Variants in TRIM44 observed in about 807,000 individuals in gnomAD.
The protein encoded by TRIM44 is tripartite motif containing 44.
TRIM44 carries 13 observed loss-of-function variants against 37.4 expected under a neutral mutation model. That is an observed-to-expected ratio of 0.35 (90% CI 0.23 to 0.55). TRIM44 has a LOEUF of 0.55. Among genes scored for constraint, TRIM44 ranks in the 20% least tolerant of loss-of-function variants. The pLI, the probability that TRIM44 is intolerant of heterozygous loss-of-function variation, is 0.89. For synonymous variants in TRIM44, 175 were observed against 157.2 expected, an observed-to-expected ratio of 1.11 and a Z score of -0.85; for missense variants, 426 against 437.2, an observed-to-expected ratio of 0.97 and a Z score of 0.23.
chr11:35,751,912 G>C (rs1852563620), intron 4 of TRIM44, among the ~76,000 whole-genome samples: 1 of 152,140 alleles, frequency 6.6e-6, no homozygotes, highest in South Asian at 2.1e-4. Context: ...ACATAGATGA[G>C]GAAATTGAAT....
intron 1 of TRIM44, 112 bp downstream of exon 1, chr11:35,663,892 C>A: frequency 7.6e-7 from 1 of 1,308,510 alleles, no homozygotes; most frequent in Non-Finnish European, 1.0e-6. Context: ...AGAAGCTAGT[C>A]TTTCCAACTT....
At chr11:35,750,474 CA>C (rs1333582077) in intron 4 of TRIM44, among the ~76,000 whole-genome samples, 3 of 152,094 alleles carry the variant, frequency 2.0e-5, no homozygotes, top group Non-Finnish European at 4.4e-5. Context: ...AGTAAGTTTC[CA>C]AAGGCCACCT....
Position 35,663,603 on chromosome 11 carries a change from C to T in TRIM44, c.492C>T (p.Asp164=), listed in dbSNP as rs2135479348. ...EGETEAESEF[D]PEIEMEAERV... Reference sequence around the variant, plus strand: ...AAACTGAGGCAGAAAGTGAATTTGACCCAGAAATAGAAATGGAAGCAGAGA... The same window carrying T: ...AAACTGAGGCAGAAAGTGAATTTGATCCAGAAATAGAAATGGAAGCAGAGA... Residue 164 remains aspartate (D), a synonymous_variant, in exon 1 of 5, where the codon GAC becomes GAT. Transcript: ENST00000299413. 1.9e-6 allele frequency: 3 copies of T among 1,614,054 alleles called. No individual in the cohort carries two copies. Among genetic ancestry groups the T allele is most frequent in the Middle Eastern group, 1.6e-4 (1 of 6,062 alleles).
At chr11:35,754,461 T>G (rs909667169) in intron 4 of TRIM44, among the ~76,000 whole-genome samples, 5 of 152,206 alleles carry the variant, frequency 3.3e-5, no homozygotes, top group African/African-American at 1.2e-4. Flanking sequence ...AGTTGCCTCT[T>G]CTTCCATGAA....
intron 4 of TRIM44, among the ~76,000 whole-genome samples, chr11:35,736,146 A>G (rs555253484): frequency 2.6e-5 from 4 of 152,286 alleles, no homozygotes; most frequent in Non-Finnish European, 5.9e-5. Context: ...CAATGTCCAG[A>G]TGGGTCCCAT....
intron 2 of TRIM44, among the ~76,000 whole-genome samples, chr11:35,700,780 A>G (rs1393476884): frequency 6.6e-6 from 1 of 152,202 alleles, no homozygotes; most frequent in Non-Finnish European, 1.5e-5. Flanking sequence ...CTTATCTACA[A>G]TATAATGCTC....
intron 3 of TRIM44, among the ~76,000 whole-genome samples, chr11:35,734,903 A>G (rs1852310039): frequency 6.6e-6 from 1 of 152,234 alleles, no homozygotes; most frequent in Admixed American, 6.5e-5. Flanking sequence ...CATAACTAAT[A>G]AGTAACAGAG....
intron 2 of TRIM44, among the ~76,000 whole-genome samples, chr11:35,719,198 C>T (rs977667667): frequency 6.6e-5 from 10 of 152,092 alleles, no homozygotes; most frequent in Admixed American, 2.0e-4. Context: ...GCATTCCCAC[C>T]GCAATGAATG....
chr11:35,795,242 G>A (rs1298138211), intron 4 of TRIM44, among the ~76,000 whole-genome samples: 2 of 152,018 alleles, frequency 1.3e-5, no homozygotes, highest in Non-Finnish European at 2.9e-5. Flanking sequence ...TTATTCTAGG[G>A]GTTATAGGAA....
At chr11:35,709,915 A>C (rs774268292) in intron 2 of TRIM44, among the ~76,000 whole-genome samples, 1 of 152,248 alleles carries the variant, frequency 6.6e-6, no homozygotes, top group Non-Finnish European at 1.5e-5. Flanking sequence ...CAGCAGATTC[A>C]GAGAGACTCC....
intron 4 of TRIM44, among the ~76,000 whole-genome samples, chr11:35,758,684 G>A (rs879503817): frequency 1.4e-5 from 2 of 143,888 alleles, no homozygotes; most frequent in Non-Finnish European, 3.0e-5. Flanking sequence ...AGCTCTTTTA[G>A]GGCAGGCTTG....
chr11:35,735,491 T>A (rs767567938), intron 4 of TRIM44, 46 bp downstream of exon 4: 3 of 1,604,926 alleles, frequency 1.9e-6, no homozygotes, highest in Non-Finnish European at 2.6e-6. Context: ...TGAAGTAGAG[T>A]GACATTTGTG....
chr11:35,784,231 C>T (rs1424446419), intron 4 of TRIM44, among the ~76,000 whole-genome samples: 1 of 152,202 alleles, frequency 6.6e-6, no homozygotes, highest in African/African-American at 2.4e-5. Context: ...TCCAGACATT[C>T]AGCCTGTCTG....
intron 4 of TRIM44, among the ~76,000 whole-genome samples, chr11:35,777,474 G>A (rs577767679): frequency 0.016 from 2,375 of 152,254 alleles, 23 homozygotes; most frequent in Admixed American, 0.021. Context: ...ATATTGTTAT[G>A]TGTGAATTTG....
intron 2 of TRIM44, among the ~76,000 whole-genome samples, chr11:35,701,908 G>C (rs1021965623): frequency 6.6e-6 from 1 of 152,174 alleles, no homozygotes; most frequent in Non-Finnish European, 1.5e-5. Context: ...TTTGCTGGCA[G>C]GCCAGACTTC....
intron 4 of TRIM44, among the ~76,000 whole-genome samples, chr11:35,779,540 C>G (rs1265335942): frequency 6.6e-6 from 1 of 152,192 alleles, no homozygotes; most frequent in Non-Finnish European, 1.5e-5. Context: ...GAGCTGTAGA[C>G]TGGAGCTGTT....
At chr11:35,670,297 T>G (rs1279323154) in intron 1 of TRIM44, among the ~76,000 whole-genome samples, 1 of 152,258 alleles carries the variant, frequency 6.6e-6, no homozygotes, top group African/African-American at 2.4e-5. Context: ...GTTAGAACAT[T>G]ACTAACTGAA....
At chr11:35,753,326 T>C (rs1370997718) in intron 4 of TRIM44, among the ~76,000 whole-genome samples, 2 of 152,156 alleles carry the variant, frequency 1.3e-5, no homozygotes, top group East Asian at 3.8e-4. Context: ...ACAGCCATTG[T>C]AGGGAATTTA....
intron 4 of TRIM44, among the ~76,000 whole-genome samples, chr11:35,738,766 A>T (rs1852356684): frequency 6.6e-6 from 1 of 152,138 alleles, no homozygotes; most frequent in South Asian, 2.1e-4. Context: ...CGCAGAAAGG[A>T]AGTGTGGGAG....
Sources: gnomAD v4.1 joint callset for allele counts (sites outside exome capture counted in the v4.1 genomes callset) on GRCh38, gnomAD v4.1.1 for gene constraint, MANE v1.5 for transcripts, NCBI Gene and HGNC (gene_info 2026-07-23, HGNC 2026-07-21) for gene names.